Variants in ARHGAP21 observed in about 807,000 individuals in gnomAD.
ARHGAP21 encodes the protein Rho GTPase activating protein 21.
ARHGAP21 carries 38 observed loss-of-function variants against 164.6 expected under a neutral mutation model. The observed-to-expected ratio is 0.23, with a 90% confidence interval of 0.18 to 0.30. The LOEUF is 0.30. ARHGAP21 is among the 10% of genes least tolerant of loss of function. ARHGAP21 has a pLI of 1.00. For missense variants in ARHGAP21, 1,822 were observed against 2,370.7 expected, an observed-to-expected ratio of 0.77 and a Z score of 4.81; for synonymous variants, 766 against 857.9, an observed-to-expected ratio of 0.89 and a Z score of 1.87.
intron 2 of ARHGAP21, among the ~76,000 whole-genome samples, chr10:24,709,824 C>T (rs1844600714): frequency 6.6e-6 from 1 of 151,466 alleles, no homozygotes; most frequent in African/African-American, 2.4e-5. Context: ...CCCTGACGCA[C>T]ACAGACACAG....
chr10:24,655,691 G>C (rs1302916279), intron 4 of ARHGAP21, among the ~76,000 whole-genome samples: 1 of 141,666 alleles, frequency 7.1e-6, no homozygotes, highest in African/African-American at 2.7e-5. Flanking sequence ...TGGGATGTGA[G>C]GAGCCCCTCT....
chr10:24,660,262 T>C lies in ARHGAP21; in HGVS notation c.268+6723A>G, dbSNP rs182794023. On this transcript the variant is annotated intron_variant, in intron 4 of 25. Transcript: ENST00000396432. ...TCTGGGAGGCAGTGGGGCACAACTG[T>C]AGTCCCAGCTACTTAGGAAGCTGAG... 9.0e-4 allele frequency among the ~76,000 whole-genome samples: 136 copies of C among 151,564 alleles called. 3 individuals carry two copies. Among genetic ancestry groups the C allele is most frequent in the Non-Finnish European group, 6.0e-4 (41 of 67,896 alleles).
chr10:24,711,590 C>T (rs543684891), intron 2 of ARHGAP21, among the ~76,000 whole-genome samples: 1 of 152,228 alleles, frequency 6.6e-6, no homozygotes, highest in African/African-American at 2.4e-5. Context: ...CCCTTCTCCC[C>T]TCAAAAAAAG....
intron 7 of ARHGAP21, 151 bp downstream of exon 7, chr10:24,629,845 T>C: frequency 1.4e-6 from 1 of 702,716 alleles, no homozygotes. Context: ...TTTTGTAAAA[T>C]GTAGAGAATT....
At chr10:24,706,563 G>C (rs1258235004) in intron 2 of ARHGAP21, 1 of 152,632 alleles carries the variant, frequency 6.6e-6, no homozygotes, top group East Asian at 1.9e-4. Context: ...AATTGTGGTT[G>C]ATCATGCAGT....
intron 23 of ARHGAP21, 143 bp from the exon 24 acceptor site, chr10:24,591,473 A>C (rs2076327768): frequency 1.3e-5 from 15 of 1,113,110 alleles, no homozygotes; most frequent in Non-Finnish European, 2.0e-5. Flanking sequence ...AATTAACTGC[A>C]AAATAAGCAC....
intron 2 of ARHGAP21, among the ~76,000 whole-genome samples, chr10:24,673,584 G>A (rs533950237): frequency 1.2e-4 from 19 of 152,250 alleles, no homozygotes; most frequent in South Asian, 2.1e-4. Context: ...CACCTAGGCC[G>A]GCCGTGGTGG....
chr10:24,672,410 C>G (rs1347942235), intron 2 of ARHGAP21, among the ~76,000 whole-genome samples: 1 of 152,160 alleles, frequency 6.6e-6, no homozygotes, highest in African/African-American at 2.4e-5. Flanking sequence ...GTTCCTGAAC[C>G]TGGAGGTACC....
rs1319152794 is a variant in ARHGAP21 at position 24,592,547 on chromosome 10, C to CCTGTAGTCCCAGCACTTTGG, written c.3877-555_3877-536dup. Among the ~76,000 whole-genome samples the CCTGTAGTCCCAGCACTTTGG allele has an allele frequency of 2.0e-5, 3 of 152,018 alleles. No homozygotes were observed. The East Asian group carries it at 5.8e-4, about 29-fold the overall frequency. ...AAACTTGCAGAAGATTACAGGCACA[C>CCTGTAGTCCCAGCACTTTGG]CTGTAGTCCCAGCACTTTGGGGGAC... On this transcript the variant is annotated intron_variant, in intron 21 of 25. Transcript: ENST00000396432.
chr10:24,631,260 A>C (rs1056424873), intron 6 of ARHGAP21, among the ~76,000 whole-genome samples: 4 of 152,162 alleles, frequency 2.6e-5, no homozygotes, highest in Non-Finnish European at 4.4e-5. Flanking sequence ...GCTTCTCAGG[A>C]GGCTGAGGCA....
intron 17 of ARHGAP21, chr10:24,596,432 T>C (rs894033051): frequency 5.8e-6 from 3 of 513,818 alleles, no homozygotes; most frequent in Admixed American, 3.8e-5. Context: ...TGTATTATAC[T>C]TTCTTAATCA....
In ARHGAP21 at chr10:24,723,846, G is replaced by A. The variant is rs1846164830; in HGVS notation, c.-665C>T. Among the ~76,000 whole-genome samples, 2 of 150,304 alleles carry A rather than the reference G, an allele frequency of 1.3e-5. No homozygotes were observed. Among genetic ancestry groups the A allele is most frequent in the East Asian group, 4.0e-4 (2 of 5,050 alleles). The stretch of plus-strand genomic sequence containing the variant: ...TCCCCTCGCCTCGCCGGGCCGGGCC[G>A]GGGCCCAGCTCCGGCGCCCGCGAAC... On this transcript the variant is annotated 5_prime_UTR_variant, in exon 1 of 26. Transcript: ENST00000396432.
Position 24,601,961 on chromosome 10 carries a change from C to T in ARHGAP21, c.2847+17G>A. ...TCTGCATTTCTGACACTCAGGGTGG[C>T]TTAGAAAACACACTACCTTGCCCTT... On this transcript the variant is annotated intron_variant, in intron 13 of 25. Transcript: ENST00000396432. 1 of 1,540,316 alleles carries T rather than the reference C, an allele frequency of 6.5e-7. No homozygotes were observed. Among genetic ancestry groups the T allele is most frequent in the Non-Finnish European group, 8.8e-7 (1 of 1,137,834 alleles).
chr10:24,635,680 G>A (rs937257524), intron 4 of ARHGAP21, among the ~76,000 whole-genome samples: 1 of 152,080 alleles, frequency 6.6e-6, no homozygotes, highest in Non-Finnish European at 1.5e-5. Context: ...CTGAGTAGCT[G>A]GGACTACAGG....
intron 2 of ARHGAP21, among the ~76,000 whole-genome samples, chr10:24,701,228 G>C (rs913643721): frequency 6.6e-6 from 1 of 152,024 alleles, no homozygotes; most frequent in African/African-American, 2.4e-5. Flanking sequence ...TCTTCCATTT[G>C]GTTTCCCCAG....
chr10:24,718,562 G>C (rs1845624661), intron 2 of ARHGAP21, among the ~76,000 whole-genome samples: 1 of 152,068 alleles, frequency 6.6e-6, no homozygotes, highest in Non-Finnish European at 1.5e-5. Context: ...GGGAGGAGAA[G>C]AGAGAGCGCC....
intron 2 of ARHGAP21, among the ~76,000 whole-genome samples, chr10:24,672,470 T>C (rs1321091448): frequency 6.6e-6 from 1 of 152,178 alleles, no homozygotes; most frequent in African/African-American, 2.4e-5. Flanking sequence ...TTTTGGTGAT[T>C]TCATTCCATT....
At chr10:24,586,258 C>T (rs1333192166) in intron 25 of ARHGAP21, 152 bp from the exon 26 acceptor site, 3 of 1,068,512 alleles carry the variant, frequency 2.8e-6, no homozygotes, top group African/African-American at 3.2e-5. Context: ...TTTAATACCT[C>T]TTTTTACCTT....
chr10:24,654,019 G>A (rs1838515872), intron 4 of ARHGAP21, among the ~76,000 whole-genome samples: 1 of 152,028 alleles, frequency 6.6e-6, no homozygotes, highest in African/African-American at 2.4e-5. Context: ...TACAACCAAA[G>A]ACAAAAACCA....
Sources: gnomAD v4.1 joint callset for allele counts (sites outside exome capture counted in the v4.1 genomes callset) on GRCh38, gnomAD v4.1.1 for gene constraint, MANE v1.5 for transcripts, NCBI Gene and HGNC (gene_info 2026-07-23, HGNC 2026-07-21) for gene names.